The following HS3ST4 variants were observed in gnomAD, a reference collection of about 807,000 sequenced individuals.
HS3ST4 encodes the protein heparan sulfate-glucosamine 3-sulfotransferase 4.
A neutral mutation model predicts 29.2 loss-of-function variants in HS3ST4; 17 were observed. The ratio of observed to expected loss-of-function variants is 0.58; its 90% CI spans 0.40 to 0.87. The LOEUF is 0.87. HS3ST4 is among the 40% of genes least tolerant of loss of function. The probability of loss-of-function intolerance (pLI) is 0.00; values close to 1 mark genes in which losing one functional copy is unlikely to be tolerated. For missense variants in HS3ST4, 627 were observed against 634.5 expected, an observed-to-expected ratio of 0.99 and a Z score of 0.13; for synonymous variants, 314 against 285.7, an observed-to-expected ratio of 1.10 and a Z score of -1.00.
At chr16:25,890,310 G>A (rs1967994920) in intron 1 of HS3ST4, among the ~76,000 whole-genome samples, 1 of 152,148 alleles carries the variant, frequency 6.6e-6, no homozygotes, top group Non-Finnish European at 1.5e-5. Flanking sequence ...CTTCCATAGG[G>A]AGGCATCACA....
At chr16:25,876,978 A>G (rs566687746) in intron 1 of HS3ST4, among the ~76,000 whole-genome samples, 7 of 152,228 alleles carry the variant, frequency 4.6e-5, no homozygotes, top group Admixed American at 2.6e-4. Context: ...TCTTACTCAT[A>G]TCAGAAAACC....
intron 1 of HS3ST4, among the ~76,000 whole-genome samples, chr16:25,817,951 G>A (rs1280904965): frequency 6.6e-6 from 1 of 152,174 alleles, no homozygotes; most frequent in Admixed American, 6.5e-5. Context: ...GCAGGAATTA[G>A]TGTGTACCGG....
At chr16:25,940,393 C>T (rs56285583) in intron 1 of HS3ST4, among the ~76,000 whole-genome samples, 9,455 of 152,186 alleles carry the variant, frequency 0.062, 412 homozygotes, top group South Asian at 0.14. Flanking sequence ...CAAGTAGAAT[C>T]CTGGTTAGTA....
chr16:25,891,023 G>A (rs1472160302), intron 1 of HS3ST4, among the ~76,000 whole-genome samples: 1 of 152,172 alleles, frequency 6.6e-6, no homozygotes, highest in African/African-American at 2.4e-5. Flanking sequence ...TTCAAGAAGG[G>A]AAGCAAGTTC....
In HS3ST4 at chr16:25,692,771, A is replaced by C. The variant is rs1966264223; in HGVS notation, c.354A>C (p.Pro118=). 3.0e-6 allele frequency: 4 copies of C among 1,343,024 alleles called. No homozygotes were observed. In the South Asian group the frequency reaches 8.1e-5, roughly 27 times the overall value. The allele number at this position is 1,343,024 out of a possible 1,614,324, so 83.2% of individuals were successfully genotyped here. Residue 118 remains proline (P), a synonymous_variant, in exon 1 of 2, where the codon CCA becomes CCC. Transcript: ENST00000331351. The part of the protein sequence containing the change: ...HGEPPEPPEQ[P]AAPGTDGWGL... ...AGCCGCCCGAGCCCCCAGAGCAGCC[A>C]GCCGCCCCCGGGACCGACGGCTGGG...
At chr16:26,047,410 T>C (rs1290598080) in intron 1 of HS3ST4, among the ~76,000 whole-genome samples, 1 of 152,232 alleles carries the variant, frequency 6.6e-6, no homozygotes, top group Non-Finnish European at 1.5e-5. Flanking sequence ...TTTATTGGTG[T>C]GTGTATATGT....
chr16:26,047,443 T>C lies in HS3ST4; in HGVS notation c.735-88169T>C, dbSNP rs79069356. Among the ~76,000 whole-genome samples the C allele has an allele frequency of 0.023, 3,461 of 152,226 alleles. 208 individuals are homozygous for C. In the East Asian group the frequency reaches 0.28, roughly 12 times the overall value. ...TGTTCATGAATATTCCAGTGGGAAG[T>C]TGGTGGAAAGGGAAGCTAGTCATTT... On this transcript the variant is annotated intron_variant, in intron 1 of 1. Coordinates refer to ENST00000331351, the MANE Select transcript of HS3ST4 (RefSeq NM_006040.3).
At chr16:25,828,221 C>CTTT (rs1555467544) in intron 1 of HS3ST4, among the ~76,000 whole-genome samples, 5 of 107,132 alleles carry the variant, frequency 4.7e-5, no homozygotes, top group African/African-American at 1.9e-4. Context: ...TGCTTTCTTT[C>CTTT]CTTTCTTTCT....
At chr16:26,119,666 T>C (rs1326366755) in intron 1 of HS3ST4, among the ~76,000 whole-genome samples, 1 of 152,224 alleles carries the variant, frequency 6.6e-6, no homozygotes, top group Non-Finnish European at 1.5e-5. Flanking sequence ...CCCACCTTTT[T>C]ATTCTCCCTC....
chr16:25,954,328 A>C (rs116523498), intron 1 of HS3ST4, among the ~76,000 whole-genome samples: 1,541 of 152,290 alleles, frequency 0.01, 21 homozygotes, highest in African/African-American at 0.033. Context: ...GAATCTGCTT[A>C]CCTGTTTATT....
At chr16:25,769,100 A>C (rs914217135) in intron 1 of HS3ST4, among the ~76,000 whole-genome samples, 17 of 152,180 alleles carry the variant, frequency 1.1e-4, no homozygotes, top group African/African-American at 4.1e-4. Context: ...ATCTGGAGTC[A>C]GTGTGGATTG....
In HS3ST4 at chr16:26,119,657, C is replaced by T. The variant is rs372931939; in HGVS notation, c.735-15955C>T. On this transcript the variant is annotated intron_variant, in intron 1 of 1. Transcript: ENST00000331351. ...CAATTTGGGCACATTTTTCTTTCAC[C>T]CACCTTTTTATTCTCCCTCCTTTCT... Among the ~76,000 whole-genome samples, 28 of 152,154 alleles carry T rather than the reference C, an allele frequency of 1.8e-4. No individual in the cohort carries two copies. The South Asian group carries it at 5.0e-3, about 27-fold the overall frequency.
At chr16:25,811,327 GGAAGAT>G (rs551102424) in intron 1 of HS3ST4, among the ~76,000 whole-genome samples, 143 of 151,792 alleles carry the variant, frequency 9.4e-4, no homozygotes, top group African/African-American at 3.3e-3. Context: ...ATGAAGAAGA[GGAAGAT>G]GAAGACCTTT....
intron 1 of HS3ST4, among the ~76,000 whole-genome samples, chr16:25,860,737 G>T (rs140922270): frequency 6.6e-6 from 1 of 152,142 alleles, no homozygotes; most frequent in Non-Finnish European, 1.5e-5. Context: ...AATAGGTGGA[G>T]CACAGGGTAT....
chr16:25,766,773 T>C (rs536720576), intron 1 of HS3ST4, among the ~76,000 whole-genome samples: 1 of 152,350 alleles, frequency 6.6e-6, no homozygotes, highest in South Asian at 2.1e-4. Flanking sequence ...CAGATGCCTG[T>C]AATGACAGTG....
chr16:26,002,474 G>A (rs866288052), intron 1 of HS3ST4, among the ~76,000 whole-genome samples: 2 of 152,238 alleles, frequency 1.3e-5, no homozygotes, highest in Middle Eastern at 3.4e-3. Context: ...CAGAAATAGT[G>A]GAAGAGGTTG....
intron 1 of HS3ST4, among the ~76,000 whole-genome samples, chr16:25,905,908 C>G (rs1285185424): frequency 4.6e-5 from 7 of 152,168 alleles, no homozygotes; most frequent in Non-Finnish European, 1.0e-4. Context: ...ATCACCAAAG[C>G]CATAGCTGAG....
chr16:25,897,884 G>A (rs1017109185), intron 1 of HS3ST4, among the ~76,000 whole-genome samples: 1 of 152,130 alleles, frequency 6.6e-6, no homozygotes, highest in South Asian at 2.1e-4. Flanking sequence ...TTTAGCAGAT[G>A]AGGACTCTCG....
At chr16:26,057,799 C>T (rs146478603) in intron 1 of HS3ST4, among the ~76,000 whole-genome samples, 42 of 150,120 alleles carry the variant, frequency 2.8e-4, no homozygotes, top group African/African-American at 9.6e-4. Flanking sequence ...CATTCCTTTT[C>T]GTTGCCTTTG....
Sources: gnomAD v4.1 joint callset for allele counts (sites outside exome capture counted in the v4.1 genomes callset) on GRCh38, gnomAD v4.1.1 for gene constraint, MANE v1.5 for transcripts, NCBI Gene and HGNC (gene_info 2026-07-23, HGNC 2026-07-21) for gene names.